NFIB: variants seen among roughly 807,000 people sequenced by gnomAD.
NFIB encodes nuclear factor 1 B-type.
A neutral mutation model predicts 61.5 loss-of-function variants in NFIB; 11 were observed. That is an observed-to-expected ratio of 0.18 (90% CI 0.11 to 0.30). The LOEUF is 0.30. Among genes scored for constraint, NFIB ranks in the 10% least tolerant of loss-of-function variants. NFIB has a pLI of 1.00. For synonymous variants in NFIB, 260 were observed against 216.5 expected (o/e 1.20, Z -1.76); for missense variants, 471 against 608.9 (o/e 0.77, Z 2.38).
At chr9:14,484,919 G>T in the NFIB span, among the ~76,000 whole-genome samples, 1 of 152,110 alleles carries the variant, frequency 6.6e-6, no homozygotes, top group African/African-American at 2.4e-5. Flanking sequence ...AAATCAGGGT[G>T]ACAGCTTGGT....
chr9:14,220,258 A>ATTGCAAAGGC (rs1175273266), intron 2 of NFIB, among the ~76,000 whole-genome samples: 1 of 152,162 alleles, frequency 6.6e-6, no homozygotes, highest in African/African-American at 2.4e-5. Flanking sequence ...ATGTAGATCC[A>ATTGCAAAGGC]TTGCAAAGGC....
chr9:14,411,449 C>T, the NFIB span, among the ~76,000 whole-genome samples: 1 of 152,110 alleles, frequency 6.6e-6, no homozygotes, highest in Non-Finnish European at 1.5e-5. Context: ...TATTCTCATC[C>T]CACTTTCCTC....
chr9:14,403,802 CAA>C (rs1006805486), upstream of NFIB, among the ~76,000 whole-genome samples: 6 of 152,104 alleles, frequency 3.9e-5, no homozygotes, highest in Non-Finnish European at 8.8e-5. Flanking sequence ...CTTTCTCTGT[CAA>C]AGAGATGCCA....
At chr9:14,353,579 G>A (rs1191792330) in intron 1 of NFIB, among the ~76,000 whole-genome samples, 1 of 152,144 alleles carries the variant, frequency 6.6e-6, no homozygotes, top group Non-Finnish European at 1.5e-5. Context: ...TGAAAGGAGG[G>A]AAGTCAGATT....
intron 3 of NFIB, among the ~76,000 whole-genome samples, chr9:14,162,013 T>C (rs1266465720): frequency 6.6e-6 from 1 of 152,154 alleles, no homozygotes; most frequent in Non-Finnish European, 1.5e-5. Context: ...ACATTAATGT[T>C]ACAACTTTCA....
chr9:14,419,429 A>G, the NFIB span, among the ~76,000 whole-genome samples: 1 of 152,186 alleles, frequency 6.6e-6, no homozygotes, highest in African/African-American at 2.4e-5. Context: ...ATCCCTACCA[A>G]CCATGCCCAC....
chr9:14,221,706 T>C (rs569946329), intron 2 of NFIB, among the ~76,000 whole-genome samples: 1 of 152,334 alleles, frequency 6.6e-6, no homozygotes, highest in Admixed American at 6.5e-5. Flanking sequence ...GAAGCTGTCC[T>C]GACAAATTCC....
intron 10 of NFIB, among the ~76,000 whole-genome samples, chr9:14,109,710 G>C (rs563557022): frequency 6.6e-6 from 1 of 152,216 alleles, no homozygotes; most frequent in South Asian, 2.1e-4. Context: ...GTCAAATACT[G>C]ATCAGCTGGT....
intron 3 of NFIB, among the ~76,000 whole-genome samples, chr9:14,156,388 GGGTCACTAATAA>G (rs1563843855): frequency 6.6e-6 from 1 of 152,200 alleles, no homozygotes; most frequent in Admixed American, 6.5e-5. Flanking sequence ...CCTTGTTCCA[GGGTCACTAATAA>G]CATAAAAAGC....
At chr9:14,104,156 G>A (rs746854758) in intron 10 of NFIB, among the ~76,000 whole-genome samples, 9 of 151,764 alleles carry the variant, frequency 5.9e-5, no homozygotes, top group Non-Finnish European at 8.8e-5. Context: ...TGAGTGATCC[G>A]CCCACCTCAG....
In NFIB at chr9:14,282,123, A is replaced by T. The variant is rs58149969; in HGVS notation, c.562+24866T>A. Among the ~76,000 whole-genome samples the T allele has an allele frequency of 7.4e-3, 1,130 of 152,256 alleles. 16 individuals carry two copies. Among genetic ancestry groups the T allele is most frequent in the African/African-American group, 0.026 (1,074 of 41,536 alleles). On this transcript the variant is annotated intron_variant, in intron 2 of 10. Coordinates refer to ENST00000380953, the MANE Select transcript of NFIB (RefSeq NM_001190737.2). Reference sequence around the variant, plus strand: ...GTACAAAAACTTCTGCTACTATATAAATTGGATTTAAGTTACATTATTTGG... The same window carrying T: ...GTACAAAAACTTCTGCTACTATATATATTGGATTTAAGTTACATTATTTGG...
chr9:14,467,678 T>C, the NFIB span, among the ~76,000 whole-genome samples: 1 of 152,262 alleles, frequency 6.6e-6, no homozygotes, highest in South Asian at 2.1e-4. Flanking sequence ...ATTGATTTGA[T>C]ATTCATTCAA....
chr9:14,427,937 G>GTGTTTTTTTTTTTTTTTTTTTTT, the NFIB span, among the ~76,000 whole-genome samples: 1 of 43,384 alleles, frequency 2.3e-5, no homozygotes, highest in African/African-American at 7.8e-5. Flanking sequence ...TAATTCAGTT[G>GTGTTTTTTTTTTTTTTTTTTTTT]TTTTTTTTTT....
chr9:14,294,221 C>A (rs962517182), intron 2 of NFIB, among the ~76,000 whole-genome samples: 2 of 152,070 alleles, frequency 1.3e-5, no homozygotes, highest in Admixed American at 6.6e-5. Context: ...CAGCTTTTCC[C>A]TTATTTGGAG....
At chr9:14,298,278 T>C (rs932622533) in intron 2 of NFIB, among the ~76,000 whole-genome samples, 12 of 152,212 alleles carry the variant, frequency 7.9e-5, no homozygotes, top group Non-Finnish European at 1.6e-4. Flanking sequence ...AGTCAGTTGT[T>C]TTCACATCGG....
At chr9:14,251,745 C>T (rs1042672727) in intron 2 of NFIB, among the ~76,000 whole-genome samples, 1 of 152,218 alleles carries the variant, frequency 6.6e-6, no homozygotes, top group Non-Finnish European at 1.5e-5. Flanking sequence ...GCACGGGCAT[C>T]CTGCACACCG....
In NFIB at chr9:14,199,642, G is replaced by A. The variant is rs536002489; in HGVS notation, c.563-19862C>T. Among the ~76,000 whole-genome samples the A allele has an allele frequency of 2.6e-5, 4 of 152,300 alleles. No homozygotes were observed. The South Asian group carries it at 8.3e-4, about 32-fold the overall frequency. ...CTTATAGCCGTTTTACTTTGTGAAA[G>A]GGCCATGTATGTTTGTGCTTTTGGT... On this transcript the variant is annotated intron_variant, in intron 2 of 10. Coordinates refer to ENST00000380953, the MANE Select transcript of NFIB (RefSeq NM_001190737.2).
At chr9:14,472,854 T>TAA in the NFIB span, among the ~76,000 whole-genome samples, 18 of 136,258 alleles carry the variant, frequency 1.3e-4, no homozygotes, top group Non-Finnish European at 4.9e-5. Flanking sequence ...AAAATAAAAA[T>TAA]AAAAAAAAAA....
chr9:14,419,445 G>A, the NFIB span, among the ~76,000 whole-genome samples: 1 of 152,172 alleles, frequency 6.6e-6, no homozygotes, highest in African/African-American at 2.4e-5. Context: ...CCCACAGACA[G>A]GGCCCACTTC....
Sources: allele counts gnomAD v4.1 joint callset (sites outside exome capture counted in the v4.1 genomes callset), GRCh38; gene constraint gnomAD v4.1.1; transcripts MANE v1.5; gene names NCBI Gene and HGNC (gene_info 2026-07-23, HGNC 2026-07-21).